The following TAF1 variants were observed in gnomAD, a reference collection of about 807,000 sequenced individuals.
TAF1 encodes TATA-box binding protein associated factor 1.
A neutral mutation model predicts 138.5 loss-of-function variants in TAF1; 2 were observed. That is an observed-to-expected ratio of 0.01 (90% confidence interval 0.01 to 0.05). The LOEUF (loss-of-function observed/expected upper bound fraction) is 0.05. TAF1 is among the 10% of genes least tolerant of loss of function. TAF1 has a pLI of 1.00. For synonymous variants in TAF1, 437 were observed against 503.2 expected (o/e 0.87, Z 1.76); for missense variants, 709 against 1,478.0 (o/e 0.48, Z 8.53).
chrX:71,379,483 G>A (rs1158396687), intron 8 of TAF1, among the ~76,000 whole-genome samples: 1 of 109,223 alleles, frequency 9.2e-6, no homozygotes, highest in African/African-American at 3.3e-5. Context: ...TCTAGTCCCT[G>A]TAATTTTTAT....
At chrX:71,492,832 A>G (rs1045329124) in intron 13 of TAF1, 3 of 112,260 alleles carry the variant, frequency 2.7e-5, no homozygotes, top group Non-Finnish European at 5.6e-5. Context: ...TCCGGTCTGC[A>G]GAGGTGTGGC....
chrX:71,431,630 G>C (rs1342358040), intron 32 of TAF1, among the ~76,000 whole-genome samples: 1 of 110,963 alleles, frequency 9.0e-6, no homozygotes, highest in African/African-American at 3.3e-5. Flanking sequence ...TAAGATAACA[G>C]GTGAGGCCTG....
intron 3 of TAF1, chrX:71,368,666 G>A (rs1192841950): frequency 9.4e-6 from 1 of 106,782 alleles, no homozygotes; most frequent in Non-Finnish European, 1.9e-5. Flanking sequence ...TAAAAAATTA[G>A]CCAGGCGTGG....
Position 71,398,559 on chromosome X carries a change from TCA to T in TAF1, c.3621-9_3621-8del, listed in dbSNP as rs1313314797. 1 of 1,206,995 alleles carries T rather than the reference TCA, an allele frequency of 8.3e-7. No individual in the cohort carries two copies. The highest frequency in any genetic ancestry group is 3.0e-5 in the East Asian group (1 of 33,725). ...CCTGTGATTTTTCTTCCTCTGCTGC[TCA>T]CACTGTTCAGTCGAAAATTTGCCCT... is the stretch of plus-strand genomic sequence containing the variant. On this transcript the variant is annotated splice_polypyrimidine_tract_variant and intron_variant, in intron 23 of 37. Coordinates refer to ENST00000423759, the MANE Select transcript of TAF1 (RefSeq NM_004606.5).
At chrX:71,379,104 G>GTTTTTTTTTTTTT (rs2033681489) in intron 8 of TAF1, 73 bp downstream of exon 8, 5 of 370,422 alleles carry the variant, frequency 1.3e-5, no homozygotes, top group African/African-American at 8.9e-5. Flanking sequence ...GCTCAGCTGT[G>GTTTTTTTTTTTTT]ATTTTTTTTT....
chrX:71,388,739 G>A lies in TAF1; in HGVS notation c.2571G>A (p.Gly857=). 5 of 1,211,471 alleles carry A rather than the reference G, an allele frequency of 4.1e-6. No individual in the cohort carries two copies. The South Asian group carries it at 5.3e-5, about 13-fold the overall frequency. The change falls in exon 17 of 38, where the codon GGG becomes GGA. Residue 857 remains glycine, a splice_region_variant and synonymous_variant. Coordinates refer to ENST00000423759, the MANE Select transcript of TAF1 (RefSeq NM_004606.5). The part of the protein sequence containing the change: ...LKLCADFKRT[G]MDSNWWVLKS... ...TCTCTATGTATATGTCTTTTCCAGG[G>A]ATGGACTCAAACTGGTGGGTGCTTA...
At chrX:71,463,802 G>A (rs1385712814) in intron 37 of TAF1, 22 bp from the exon 38 acceptor site, 1 of 1,199,868 alleles carries the variant, frequency 8.3e-7, no homozygotes, top group Non-Finnish European at 1.1e-6. Context: ...GAGCTTGAGA[G>A]ATGACATGTT....
At chrX:71,467,995 C>T (rs1383039183), downstream of TAF1, among the ~76,000 whole-genome samples, 1 of 111,660 alleles carries the variant, frequency 9.0e-6, no homozygotes, top group Non-Finnish European at 1.9e-5. Context: ...GTGGCTCGCA[C>T]CTGTAATTCC....
intron 28 of TAF1, among the ~76,000 whole-genome samples, chrX:71,411,063 G>A (rs1028999207): frequency 1.8e-4 from 20 of 109,581 alleles, no homozygotes; most frequent in Middle Eastern, 5.0e-3. Context: ...GATTACAGGC[G>A]TGAGCCACTA....
chrX:71,377,543 T>C (rs1015228645), intron 5 of TAF1, 60 bp from the exon 6 acceptor site: 2 of 1,153,753 alleles, frequency 1.7e-6, no homozygotes, highest in African/African-American at 1.8e-5. Context: ...CAGGCCCAGA[T>C]GCTGCTGTTT....
At position 71,382,811 on chromosome X, in the gene TAF1, G is replaced by C. The variant is rs770305114; in HGVS notation, c.1716G>C (p.Glu572Asp). ...VKDPWNLSND[E>D]YYYPKQQGLR... ...ATCCATGGAATCTCTCCAATGATGA[G>C]TATTATTATCCCAAGCAACAGGGTC... Residue 572 changes from glutamate to aspartate, a missense_variant, in exon 11 of 38, where the codon GAG (glutamate) becomes GAC (aspartate). Transcript: ENST00000423759. 2 of 1,210,817 alleles carry C rather than the reference G, an allele frequency of 1.7e-6. No individual in the cohort carries two copies. Among genetic ancestry groups the C allele is most frequent in the African/African-American group, 3.5e-5 (2 of 57,810 alleles).
At chrX:71,399,255 T>C (rs368764843) in intron 24 of TAF1, among the ~76,000 whole-genome samples, 51 of 93,248 alleles carry the variant, frequency 5.5e-4, no homozygotes, top group Non-Finnish European at 7.9e-4. Flanking sequence ...TTTATTCTCT[T>C]TTTTTTTTTT....
At chrX:71,423,333 G>A in intron 30 of TAF1, 94 bp downstream of exon 30, 1 of 1,149,652 alleles carries the variant, frequency 8.7e-7, no homozygotes, top group Non-Finnish European at 1.2e-6. Flanking sequence ...GAGAGTCTGA[G>A]TGGTGGTGTA....
At chrX:71,454,364 C>T in intron 33 of TAF1, 127 bp downstream of exon 33, 1 of 554,281 alleles carries the variant, frequency 1.8e-6, no homozygotes, top group Middle Eastern at 5.6e-4. Context: ...AGCTACTCGT[C>T]TGAGGTAGGA....
At chrX:71,454,375 G>A (rs1569367368) in intron 33 of TAF1, 138 bp downstream of exon 33, 1 of 526,073 alleles carries the variant, frequency 1.9e-6, no homozygotes, top group East Asian at 3.7e-5. Flanking sequence ...TGAGGTAGGA[G>A]AATCATTTGA....
At chrX:71,367,913 C>A in intron 2 of TAF1, 141 bp from the exon 3 acceptor site, 6 of 628,545 alleles carry the variant, frequency 9.5e-6, no homozygotes, top group Non-Finnish European at 1.5e-5. Flanking sequence ...TGAGGTGATC[C>A]GTCTGGCTTG....
In TAF1 at chrX:71,387,249, T is replaced by C; in HGVS notation, c.2227-12T>C. The C allele has an allele frequency of 8.3e-7, 1 of 1,211,577 alleles. No individual in the cohort carries two copies. The highest frequency in any genetic ancestry group is 1.1e-6 in the Non-Finnish European group (1 of 895,181). On this transcript the variant is annotated splice_polypyrimidine_tract_variant and intron_variant, in intron 14 of 37. Coordinates refer to ENST00000423759, the MANE Select transcript of TAF1 (RefSeq NM_004606.5). ...ACTCTGTATATAATTTTTGTGTTTT[T>C]ACTTTTGTTAGGCATTTGAGAACAA...
chrX:71,398,165 C>T (rs1306395029), intron 23 of TAF1, among the ~76,000 whole-genome samples: 1 of 110,435 alleles, frequency 9.1e-6, no homozygotes, highest in Non-Finnish European at 1.9e-5. Flanking sequence ...TGGTGAAACC[C>T]TGTCTCTACT....
intron 28 of TAF1, among the ~76,000 whole-genome samples, chrX:71,417,698 A>G (rs1460824813): frequency 9.0e-6 from 1 of 111,561 alleles, no homozygotes; most frequent in Non-Finnish European, 1.9e-5. Flanking sequence ...AAAACAACTT[A>G]TAGCATACTG....
Sources: allele counts gnomAD v4.1 joint callset (sites outside exome capture counted in the v4.1 genomes callset), GRCh38; gene constraint gnomAD v4.1.1; transcripts MANE v1.5; gene names NCBI Gene and HGNC (gene_info 2026-07-23, HGNC 2026-07-21).